UBAC2: variants seen among roughly 807,000 people sequenced by gnomAD.
The protein encoded by UBAC2 is ubiquitin-associated domain-containing protein 2.
UBAC2 carries 26 observed loss-of-function variants against 44.0 expected under a neutral mutation model. That is an observed-to-expected ratio of 0.59 (90% CI 0.43 to 0.82). The LOEUF is 0.82. Ranked by LOEUF, UBAC2 falls within the 40% of genes least tolerant of loss-of-function variation. The pLI, the probability that UBAC2 is intolerant of heterozygous loss-of-function variation, is 0.00. For synonymous variants in UBAC2, 155 were observed against 154.3 expected (o/e 1.00, Z -0.04); for missense variants, 329 against 419.4 (o/e 0.78, Z 1.88).
At chr13:99,307,451 T>A (rs2044352334) in intron 4 of UBAC2, 1 of 152,104 alleles carries the variant, frequency 6.6e-6, no homozygotes, top group Non-Finnish European at 1.5e-5. Flanking sequence ...GACCTCCTTT[T>A]ATGGTGGTGA....
intron 1 of UBAC2, among the ~76,000 whole-genome samples, chr13:99,203,919 C>T (rs918020072): frequency 2.0e-5 from 3 of 152,224 alleles, no homozygotes; most frequent in African/African-American, 4.8e-5. Context: ...CCTGCCATGC[C>T]TGTTTCAAGT....
At position 99,259,018 on chromosome 13, in the gene UBAC2, A is replaced by G. The variant is rs187754905; in HGVS notation, c.389+14394A>G. ...TTTTCTAGTGCGTGGAAGTCTAGAA[A>G]TAATTTCTTTTGCATAAAAATTTCT... On this transcript the variant is annotated intron_variant, in intron 4 of 8. Transcript: ENST00000403766. 1.2e-4 allele frequency among the ~76,000 whole-genome samples: 18 copies of G among 152,330 alleles called. No homozygotes were observed. The South Asian group carries it at 1.2e-3, about 11-fold the overall frequency.
intron 7 of UBAC2, among the ~76,000 whole-genome samples, chr13:99,358,593 AG>A (rs2045221747): frequency 6.6e-6 from 1 of 152,236 alleles, no homozygotes; most frequent in South Asian, 2.1e-4. Context: ...AATTAATAAA[AG>A]GGCAATGAGG....
chr13:99,380,062 CTT>C (rs746085181), intron 8 of UBAC2, among the ~76,000 whole-genome samples: 1 of 152,098 alleles, frequency 6.6e-6, no homozygotes, highest in African/African-American at 2.4e-5. Flanking sequence ...GAGAGGGTCT[CTT>C]TTCCCTTGGA....
At chr13:99,366,184 T>C (rs755629503) in intron 7 of UBAC2, among the ~76,000 whole-genome samples, 45 of 152,240 alleles carry the variant, frequency 3.0e-4, no homozygotes, top group Non-Finnish European at 5.7e-4. Context: ...TAATACCTTA[T>C]TCTTTTCTTT....
intron 4 of UBAC2, among the ~76,000 whole-genome samples, chr13:99,291,948 C>T (rs909205440): frequency 2.0e-5 from 3 of 152,080 alleles, no homozygotes; most frequent in African/African-American, 7.2e-5. Flanking sequence ...TTGCCCTCAC[C>T]GAGCCCACAG....
At chr13:99,258,480 A>G (rs2043607234) in intron 4 of UBAC2, 1 of 152,192 alleles carries the variant, frequency 6.6e-6, no homozygotes, top group South Asian at 2.1e-4. Context: ...ATGAAGTCAC[A>G]CTTAGCATAA....
chr13:99,318,161 A>G (rs2044518326), intron 6 of UBAC2, 92 bp downstream of exon 6: 1 of 1,141,794 alleles, frequency 8.8e-7, no homozygotes. Context: ...GTCATATTCA[A>G]CTGTCTCACC....
intron 7 of UBAC2, among the ~76,000 whole-genome samples, chr13:99,355,963 A>C (rs1285082055): frequency 6.6e-6 from 1 of 152,260 alleles, no homozygotes; most frequent in African/African-American, 2.4e-5. Flanking sequence ...TGTTGAAACA[A>C]AGGGAAAACC....
At chr13:99,276,656 CTGGTGGG>C (rs1170062373) in intron 4 of UBAC2, among the ~76,000 whole-genome samples, 3 of 152,194 alleles carry the variant, frequency 2.0e-5, no homozygotes, top group Non-Finnish European at 4.4e-5. Flanking sequence ...TTCCTGGAGG[CTGGTGGG>C]TGGTGCTGAA....
intron 7 of UBAC2, among the ~76,000 whole-genome samples, chr13:99,342,610 C>T (rs1003933305): frequency 3.9e-5 from 6 of 152,142 alleles, no homozygotes; most frequent in East Asian, 1.9e-4. Context: ...CGTGTGCCAG[C>T]GCTGGGTTAT....
rs1291637576 is a variant in UBAC2, at chr13:99,266,199, CTATAT to C, written c.389+21583_389+21587del. Among the ~76,000 whole-genome samples, 5 of 151,330 alleles carry C rather than the reference CTATAT, an allele frequency of 3.3e-5. No homozygotes were observed. The South Asian group carries it at 8.3e-4, about 25-fold the overall frequency. On this transcript the variant is annotated intron_variant, in intron 4 of 8. Coordinates refer to ENST00000403766, the MANE Select transcript of UBAC2 (RefSeq NM_001144072.2). ...TTTTAATGTTACTTTATGAATATTT[CTATAT>C]TATATTACATAATACTATATAATAT...
intron 4 of UBAC2, among the ~76,000 whole-genome samples, chr13:99,303,582 G>A (rs2044287583): frequency 6.6e-6 from 1 of 152,190 alleles, no homozygotes; most frequent in African/African-American, 2.4e-5. Flanking sequence ...GATATTCTGT[G>A]TTTGTATCTG....
At chr13:99,267,970 C>T (rs1251192222) in intron 4 of UBAC2, among the ~76,000 whole-genome samples, 1 of 152,182 alleles carries the variant, frequency 6.6e-6, no homozygotes, top group Non-Finnish European at 1.5e-5. Context: ...GGTGGAGCAC[C>T]TCTGCTTTCC....
intron 2 of UBAC2, among the ~76,000 whole-genome samples, chr13:99,241,094 T>A (rs183055325): frequency 2.0e-5 from 3 of 151,680 alleles, no homozygotes; most frequent in African/African-American, 7.3e-5. Flanking sequence ...CAAAACACCA[T>A]CTCTACAAAA....
chr13:99,268,683 C>T (rs901764823), intron 4 of UBAC2, among the ~76,000 whole-genome samples: 11 of 150,040 alleles, frequency 7.3e-5, no homozygotes, highest in African/African-American at 2.5e-4. Flanking sequence ...AGGTCTTTCT[C>T]TTGAGTCTTA....
intron 1 of UBAC2, among the ~76,000 whole-genome samples, chr13:99,237,271 T>TATATAC (rs374683969): frequency 2.1e-4 from 30 of 145,020 alleles, no homozygotes; most frequent in East Asian, 1.6e-3. Flanking sequence ...TATATATATA[T>TATATAC]ACACACACAC....
At chr13:99,319,061 A>C (rs2044534438) in intron 6 of UBAC2, among the ~76,000 whole-genome samples, 1 of 152,208 alleles carries the variant, frequency 6.6e-6, no homozygotes, top group South Asian at 2.1e-4. Context: ...TGCCAACTGG[A>C]AAGTCAGGTG....
At chr13:99,378,726 C>T (rs2045513949) in intron 8 of UBAC2, among the ~76,000 whole-genome samples, 1 of 152,226 alleles carries the variant, frequency 6.6e-6, no homozygotes, top group African/African-American at 2.4e-5. Flanking sequence ...GCTTGCATAG[C>T]TGTGTTCTCA....
Sources: gnomAD v4.1 joint callset for allele counts (sites outside exome capture counted in the v4.1 genomes callset) on GRCh38, gnomAD v4.1.1 for gene constraint, MANE v1.5 for transcripts, NCBI Gene and HGNC (gene_info 2026-07-23, HGNC 2026-07-21) for gene names.